Variants in VPS26A observed in about 807,000 individuals in gnomAD.
The protein encoded by VPS26A is VPS26 retromer complex component A.
Under a neutral mutation model 42.4 loss-of-function variants are expected in VPS26A, and 22 were observed. The observed-to-expected ratio is 0.52, with a 90% CI of 0.37 to 0.74. The LOEUF is 0.74. Among genes scored for constraint, VPS26A ranks in the 30% least tolerant of loss-of-function variants. VPS26A has a pLI of 0.00. For missense variants in VPS26A, 276 were observed against 379.2 expected, an observed-to-expected ratio of 0.73 and a Z score of 2.26; for synonymous variants, 110 against 123.5, an observed-to-expected ratio of 0.89 and a Z score of 0.73.
chr10:69,163,286 C>A (rs1215319022), intron 6 of VPS26A, among the ~76,000 whole-genome samples: 2 of 152,116 alleles, frequency 1.3e-5, no homozygotes, highest in South Asian at 2.1e-4. Context: ...GTTTATAATT[C>A]TTCTGCCCTT....
intron 1 of VPS26A, among the ~76,000 whole-genome samples, chr10:69,125,132 GCTCTC>G (rs1840621915): frequency 6.6e-6 from 1 of 152,182 alleles, no homozygotes; most frequent in Admixed American, 6.5e-5. Flanking sequence ...CCTACTGTAT[GCTCTC>G]CTAATACTAC....
At chr10:69,132,390 A>G (rs1451043114) in intron 1 of VPS26A, among the ~76,000 whole-genome samples, 3 of 147,508 alleles carry the variant, frequency 2.0e-5, no homozygotes, top group Non-Finnish European at 4.5e-5. Flanking sequence ...CATGAAATCT[A>G]CCCTCTTAAC....
intron 2 of VPS26A, 152 bp downstream of exon 2, chr10:69,133,199 A>G: frequency 1.2e-6 from 1 of 833,396 alleles, no homozygotes; most frequent in East Asian, 3.0e-5. Flanking sequence ...ATTGATTAGA[A>G]GATAATCTTT....
chr10:69,129,184 G>A (rs1321593408), intron 1 of VPS26A, among the ~76,000 whole-genome samples: 3 of 152,036 alleles, frequency 2.0e-5, no homozygotes, highest in Admixed American at 2.0e-4. Context: ...GCTACTTGAA[G>A]ATGTTGTCTT....
At chr10:69,124,858 T>G (rs1242092426) in intron 1 of VPS26A, among the ~76,000 whole-genome samples, 1 of 152,260 alleles carries the variant, frequency 6.6e-6, no homozygotes, top group Non-Finnish European at 1.5e-5. Context: ...GGGGATATCT[T>G]TAACTCCAGA....
Position 69,125,224 on chromosome 10 carries a change from T to TA in VPS26A, c.3+949dup, listed in dbSNP as rs1260701804. Among the ~76,000 whole-genome samples the TA allele has an allele frequency of 5.9e-5, 9 of 152,356 alleles. No homozygotes were observed. In the East Asian group the frequency reaches 1.7e-3, roughly 29 times the overall value. On this transcript the variant is annotated intron_variant, in intron 1 of 8. Transcript: ENST00000263559. ...TAAAAGGCCGAGCCAGGTATATTTT[T>TA]AAAAAGCTACTTTGAATAAATAACT...
chr10:69,159,791 T>C lies in VPS26A; in HGVS notation c.551+1580T>C, dbSNP rs12573546. Among the ~76,000 whole-genome samples the C allele has an allele frequency of 2.5e-3, 379 of 152,322 alleles. 12 individuals carry two copies. In the East Asian group the frequency reaches 0.066, roughly 27 times the overall value. ...CATTTCCCTAATTGGCTCACAGATA[T>C]CTTTCTTTTTTCACATACTTTGTTC... On this transcript the variant is annotated intron_variant, in intron 5 of 8. Coordinates refer to ENST00000263559, the MANE Select transcript of VPS26A (RefSeq NM_004896.5).
intron 2 of VPS26A, among the ~76,000 whole-genome samples, chr10:69,147,763 A>T (rs1841195111): frequency 6.6e-6 from 1 of 152,022 alleles, no homozygotes; most frequent in South Asian, 2.1e-4. Context: ...GCCAGGCTGG[A>T]GTGCAGTGGC....
chr10:69,148,017 A>G (rs1238125997), intron 2 of VPS26A, among the ~76,000 whole-genome samples: 1 of 152,048 alleles, frequency 6.6e-6, no homozygotes, highest in Non-Finnish European at 1.5e-5. Context: ...CAGCCCCTGT[A>G]TTGTGTTTTC....
At chr10:69,151,070 T>G (rs1279979653) in intron 2 of VPS26A, among the ~76,000 whole-genome samples, 1 of 150,926 alleles carries the variant, frequency 6.6e-6, no homozygotes, top group Non-Finnish European at 1.5e-5. Flanking sequence ...TGGAGACCAT[T>G]CTGGCTAACA....
At position 69,171,428 on chromosome 10, in the gene VPS26A, T is replaced by C. The variant is rs970342630; in HGVS notation, c.*159T>C. 1.7e-4 allele frequency: 94 copies of C among 564,234 alleles called. No individual in the cohort carries two copies. Among genetic ancestry groups the C allele is most frequent in the Non-Finnish European group, 2.0e-4 (67 of 327,328 alleles). The allele number at this position is 564,234 out of a possible 1,614,324, so 35.0% of individuals were successfully genotyped here. A position where few individuals can be genotyped will look rare whatever the true frequency, so the allele number is the denominator to read the frequency against. ...TTACAGCGCAGCATTTATTTTATGA[T>C]ATAATGAAATGTTCGTTCATGTATA... On this transcript the variant is annotated 3_prime_UTR_variant, in exon 9 of 9. Transcript: ENST00000263559.
chr10:69,127,037 C>T (rs1054995385), intron 1 of VPS26A, among the ~76,000 whole-genome samples: 1 of 149,632 alleles, frequency 6.7e-6, no homozygotes, highest in African/African-American at 2.4e-5. Flanking sequence ...TGGCTCACTG[C>T]AACTTCCGCC....
At chr10:69,126,349 G>GT (rs1840653737) in intron 1 of VPS26A, among the ~76,000 whole-genome samples, 1 of 152,132 alleles carries the variant, frequency 6.6e-6, no homozygotes, top group Non-Finnish European at 1.5e-5. Context: ...GCGCATTGCT[G>GT]TAGTCCCACC....
rs200933618 is a variant in VPS26A, at chr10:69,151,275, A to AAAC, written c.154-4535_154-4534insCAA. Among the ~76,000 whole-genome samples the AAAC allele has an allele frequency of 1.4e-4, 10 of 70,746 alleles. 2 individuals are homozygous for AAAC. The South Asian group carries it at 1.6e-3, about 11-fold the overall frequency. 46.4% of individuals were successfully genotyped at this position (70,746 alleles called of 152,430 possible). A position where few individuals can be genotyped will look rare whatever the true frequency, so the allele number is the denominator to read the frequency against. On this transcript the variant is annotated intron_variant, in intron 2 of 8. Coordinates refer to ENST00000263559, the MANE Select transcript of VPS26A (RefSeq NM_004896.5). Reference sequence around the variant, plus strand: ...GTGAGACTCCATGTCAAAAAAAAAAAAAAAAAAACACACACACACACACAA... The same window carrying AAAC: ...GTGAGACTCCATGTCAAAAAAAAAAAAACAAAAAAAACACACACACACACACAA...
chr10:69,168,364 C>A (rs1359462863), intron 7 of VPS26A, 125 bp from the exon 8 acceptor site: 1 of 1,076,474 alleles, frequency 9.3e-7, no homozygotes, highest in African/African-American at 1.6e-5. Context: ...GAACCCTGGT[C>A]TTTGTTATTT....
intron 3 of VPS26A, 107 bp from the exon 4 acceptor site, chr10:69,156,900 A>T: frequency 9.4e-7 from 1 of 1,058,704 alleles, no homozygotes; most frequent in Non-Finnish European, 1.3e-6. Flanking sequence ...TTAGAGACAA[A>T]CTCAATAATT....
At chr10:69,133,717 C>G (rs1840843957) in intron 2 of VPS26A, 1 of 714,400 alleles carries the variant, frequency 1.4e-6, no homozygotes, top group Middle Eastern at 3.6e-4. Context: ...GGGTCTCACT[C>G]TGTTGCTCAA....
intron 5 of VPS26A, among the ~76,000 whole-genome samples, chr10:69,158,893 A>T (rs1395785821): frequency 1.3e-5 from 2 of 152,182 alleles, no homozygotes; most frequent in African/African-American, 2.4e-5. Context: ...TATCAATTAA[A>T]TTATATATGT....
intron 2 of VPS26A, among the ~76,000 whole-genome samples, chr10:69,137,882 T>TATATATATATA (rs1564675546): frequency 6.6e-6 from 1 of 151,282 alleles, no homozygotes; most frequent in African/African-American, 2.5e-5. Context: ...TATATATATA[T>TATATATATATA]TCGCCATAAA....
Sources: gnomAD v4.1 joint callset for allele counts (sites outside exome capture counted in the v4.1 genomes callset) on GRCh38, gnomAD v4.1.1 for gene constraint, MANE v1.5 for transcripts, NCBI Gene and HGNC (gene_info 2026-07-23, HGNC 2026-07-21) for gene names.